KCNT1: variants seen among roughly 807,000 people sequenced by gnomAD.
KCNT1 encodes potassium sodium-activated channel subfamily T member 1.
KCNT1 carries 78 observed loss-of-function variants against 147.8 expected under a neutral mutation model. The ratio of observed to expected loss-of-function variants is 0.53; its 90% CI spans 0.44 to 0.64. The LOEUF (loss-of-function observed/expected upper bound fraction) is 0.64. Among genes scored for constraint, KCNT1 ranks in the 30% least tolerant of loss-of-function variants. KCNT1 has a pLI of 0.00. For synonymous variants in KCNT1, 867 were observed against 748.8 expected (o/e 1.16, Z -2.58); for missense variants, 1,419 against 1,750.3 (o/e 0.81, Z 3.38).
chr9:135,762,314 C>T (rs4842034), intron 11 of KCNT1, among the ~76,000 whole-genome samples: 4,702 of 152,270 alleles, frequency 0.031, 144 homozygotes, highest in African/African-American at 0.076. Context: ...GGTGTGGCGG[C>T]ATGCACCTGT....
In KCNT1 at chr9:135,777,367, C is replaced by G. The variant is rs1833240776; in HGVS notation, c.2379C>G (p.Ala793=). The change falls in exon 21 of 31, where the codon GCC becomes GCG. Residue 793 remains alanine, a synonymous_variant. Coordinates refer to ENST00000371757, the MANE Select transcript of KCNT1 (RefSeq NM_020822.3). The stretch of plus-strand genomic sequence containing the variant: ...GCAAGCACAACAGCTATGAAGACGC[C>G]AAGGCCTACGGGTTCAAGAACAAGC... ...KGCKHNSYED[A]KAYGFKNKLI... The G allele has an allele frequency of 1.9e-6, 3 of 1,614,022 alleles. No individual in the cohort carries two copies. The highest frequency in any genetic ancestry group is 1.1e-5 in the South Asian group (1 of 91,084).
intron 1 of KCNT1, among the ~76,000 whole-genome samples, chr9:135,706,301 G>A (rs369267434): frequency 5.3e-5 from 8 of 152,240 alleles, no homozygotes; most frequent in African/African-American, 1.4e-4. Context: ...GTGTTGACAC[G>A]TCAGAGCTAA....
rs74533482 is a variant in KCNT1, at chr9:135,792,138, A to G, written c.3685A>G (p.Thr1229Ala). ...CAAGCTGTCGTCCTGCAACCCCGAG[A>G]CTCGCGACGAGACACAGCTCTGAGC... ...SHKLSSCNPETRDETQL is the reference protein window; with the variant it reads ...SHKLSSCNPEARDETQL Residue 1229 changes from threonine (T) to alanine (A), a missense_variant, in exon 31 of 31, where the codon ACT becomes GCT. Coordinates refer to ENST00000371757, the MANE Select transcript of KCNT1 (RefSeq NM_020822.3). 8.0e-4 allele frequency: 1,286 copies of G among 1,605,654 alleles called. 3 individuals carry two copies. Among genetic ancestry groups the G allele is most frequent in the Non-Finnish European group, 1.1e-3 (1,249 of 1,179,564 alleles).
At chr9:135,784,513 C>CCCTCCCTCCCTCCCTT in intron 25 of KCNT1, 22 bp from the exon 26 acceptor site, 1 of 559,124 alleles carries the variant, frequency 1.8e-6, no homozygotes. Flanking sequence ...CTCCCTCCCT[C>CCCTCCCTCCCTCCCTT]CCTCCCTCCC....
chr9:135,729,764 T>C (rs1489550347), intron 2 of KCNT1, among the ~76,000 whole-genome samples: 1 of 152,170 alleles, frequency 6.6e-6, no homozygotes, highest in Non-Finnish European at 1.5e-5. Flanking sequence ...TGGACAGAGC[T>C]TACTTGATCG....
rs1489319809 is a variant in KCNT1 at position 135,756,866 on chromosome 9, C to A, written c.541-7C>A. 1.2e-6 allele frequency: 2 copies of A among 1,613,176 alleles called. No homozygotes were observed. Among genetic ancestry groups the A allele is most frequent in the Middle Eastern group, 3.3e-4 (2 of 6,060 alleles). Reference sequence around the variant, plus strand: ...CTCCAGAGCTCCTTCCCTTTCCTGACTCCCAGGTCATCGTGGCCATAATAA... The same window carrying A: ...CTCCAGAGCTCCTTCCCTTTCCTGAATCCCAGGTCATCGTGGCCATAATAA... On this transcript the variant is annotated splice_polypyrimidine_tract_variant and splice_region_variant and intron_variant, in intron 6 of 30. Transcript: ENST00000371757.
At chr9:135,781,678 C>T (rs541083206) in intron 24 of KCNT1, among the ~76,000 whole-genome samples, 3 of 152,046 alleles carry the variant, frequency 2.0e-5, no homozygotes, top group South Asian at 2.1e-4. Flanking sequence ...ACCCCAAATC[C>T]CTGCAGCCAA....
At chr9:135,715,700 A>G (rs887080291) in intron 2 of KCNT1, among the ~76,000 whole-genome samples, 14 of 152,234 alleles carry the variant, frequency 9.2e-5, no homozygotes, top group African/African-American at 3.1e-4. Flanking sequence ...CTGAAACCGC[A>G]GCTGAAAAAG....
chr9:135,788,051 T>TTCTCTC, intron 29 of KCNT1: 2 of 1,345,056 alleles, frequency 1.5e-6, no homozygotes, highest in African/African-American at 2.9e-5. Context: ...CTTGCTGATA[T>TTCTCTC]TCTCTCTCTC....
rs1255235507 is a variant in KCNT1, at chr9:135,776,402, C to T, written c.2350-936C>T. Among the ~76,000 whole-genome samples, 4 of 152,214 alleles carry T rather than the reference C, an allele frequency of 2.6e-5. No individual in the cohort carries two copies. In the East Asian group the frequency reaches 5.8e-4, roughly 22 times the overall value. On this transcript the variant is annotated intron_variant, in intron 20 of 30. Coordinates refer to ENST00000371757, the MANE Select transcript of KCNT1 (RefSeq NM_020822.3). Reference sequence around the variant, plus strand: ...CCTCCCAAGTGGCTGGGAACACAGGCACGCACCACCACACCTGGCTAATTT... The same window carrying T: ...CCTCCCAAGTGGCTGGGAACACAGGTACGCACCACCACACCTGGCTAATTT...
Position 135,778,763 on chromosome 9 carries a change from C to A in KCNT1, c.2670C>A (p.Ser890Arg). 6.2e-7 allele frequency: 1 copy of A among 1,613,872 alleles called. No individual in the cohort carries two copies. The highest frequency in any genetic ancestry group is 1.3e-5 in the African/African-American group (1 of 75,006). ...TGGTGGACAAGGAGAGCACCATGAG[C>A]GCCGAGGAGGACTACATGGCGGACG... ...LVVVDKESTMSAEEDYMADAK... is the reference protein window; with the variant it reads ...LVVVDKESTMRAEEDYMADAK... Residue 890 changes from serine to arginine, a missense_variant, in exon 23 of 31, where the codon AGC becomes AGA. Ser to Arg is a moderately radical substitution (Grantham distance 110, BLOSUM62 -1). Around this residue, in one of 5 missense-constraint regions of KCNT1, gnomAD observed 247 missense variants for 397.1 expected, o/e 0.62. Transcript: ENST00000371757.
chr9:135,708,369 A>G (rs1835343814), intron 1 of KCNT1, among the ~76,000 whole-genome samples: 1 of 152,204 alleles, frequency 6.6e-6, no homozygotes, highest in African/African-American at 2.4e-5. Context: ...ATACATGCTC[A>G]TTTACACACA....
chr9:135,787,545 G>A (rs566659069), intron 29 of KCNT1, among the ~76,000 whole-genome samples: 2 of 152,322 alleles, frequency 1.3e-5, no homozygotes, highest in Admixed American at 6.5e-5. Flanking sequence ...TCGGGGTCTT[G>A]AGTCCCCTGA....
intron 29 of KCNT1, chr9:135,788,078 CCT>C: frequency 1.3e-6 from 2 of 1,568,948 alleles, no homozygotes; most frequent in Non-Finnish European, 1.8e-6. Flanking sequence ...TCTGTCTGTG[CCT>C]CTTTCTGTGT....
At position 135,777,400 on chromosome 9, in the gene KCNT1, C is replaced by A; in HGVS notation, c.2412C>A (p.Ile804=). The A allele has an allele frequency of 1.2e-6, 2 of 1,614,094 alleles. No homozygotes were observed. Among genetic ancestry groups the A allele is most frequent in the South Asian group, 2.2e-5 (2 of 91,086 alleles). Residue 804 remains isoleucine, a synonymous_variant, in exon 21 of 31, where the codon ATC becomes ATA. Transcript: ENST00000371757. ...ACGGGTTCAAGAACAAGCTGATCATCGTCTCGGCAGAGACGGCCGGCAATG... is the reference window on the plus strand; with the variant it reads ...ACGGGTTCAAGAACAAGCTGATCATAGTCTCGGCAGAGACGGCCGGCAATG... ...KAYGFKNKLI[I]VSAETAGNGL...
Position 135,759,924 on chromosome 9 carries a change from G to T in KCNT1, c.1035+65G>T, listed in dbSNP as rs541535796. 4.8e-6 allele frequency: 7 copies of T among 1,460,392 alleles called. No homozygotes were observed. The South Asian group carries it at 7.9e-5, about 16-fold the overall frequency. The allele number at this position is 1,460,392 out of a possible 1,614,324, so 90.5% of individuals were successfully genotyped here. A position where few individuals can be genotyped will look rare whatever the true frequency, so the allele number is the denominator to read the frequency against. ...AGGGACAGGCGGGTGCCAGTAGAGG[G>T]AGGGTGCCACTGAGGCTGTGGCACA... On this transcript the variant is annotated intron_variant, in intron 11 of 30. Transcript: ENST00000371757.
chr9:135,765,743 G>T lies in KCNT1; in HGVS notation c.1320G>T (p.Gln440His). Residue 440 changes from glutamine to histidine, a missense_variant, in exon 13 of 31, where the codon CAG becomes CAT. Transcript: ENST00000371757. ...TCCAGGGCTCTGCACTCAAAGACCA[G>T]GACCTCATGCGAGCCAAGTGAGTGC... ...IYLQGSALKDQDLMRAKMDNG... is the reference protein window; with the variant it reads ...IYLQGSALKDHDLMRAKMDNG... 6.2e-7 allele frequency: 1 copy of T among 1,603,280 alleles called. No homozygotes were observed. The highest frequency in any genetic ancestry group is 1.1e-5 in the South Asian group (1 of 90,402).
chr9:135,788,352 T>G (rs1405162412), intron 29 of KCNT1, among the ~76,000 whole-genome samples: 1 of 152,242 alleles, frequency 6.6e-6, no homozygotes, highest in Non-Finnish European at 1.5e-5. Context: ...TGGCTGGGCG[T>G]TGAGGACGGG....
intron 24 of KCNT1, among the ~76,000 whole-genome samples, chr9:135,780,409 C>CA (rs749767858): frequency 1.3e-5 from 2 of 152,218 alleles, no homozygotes; most frequent in Non-Finnish European, 2.9e-5. Context: ...GCAGAGGACA[C>CA]ACACGGGCAC....
Sources: allele counts gnomAD v4.1 joint callset (sites outside exome capture counted in the v4.1 genomes callset), GRCh38; gene constraint gnomAD v4.1.1; regional missense constraint gnomAD v4.1.1; transcripts MANE v1.5; gene names NCBI Gene and HGNC (gene_info 2026-07-23, HGNC 2026-07-21).